Variants in KIAA1328 observed in about 807,000 individuals in gnomAD.
KIAA1328 encodes the protein KIAA1328.
In KIAA1328, 52 loss-of-function variants were observed where a neutral mutation model predicts 68.1. The ratio of observed to expected loss-of-function variants is 0.76; its 90% CI spans 0.61 to 0.96. KIAA1328 has a LOEUF of 0.96. Among genes scored for constraint, KIAA1328 ranks in the 40% least tolerant of loss-of-function variants. The pLI is 0.00. For missense variants in KIAA1328, 641 were observed against 677.6 expected, an observed-to-expected ratio of 0.95 and a Z score of 0.60; for synonymous variants, 232 against 239.4, an observed-to-expected ratio of 0.97 and a Z score of 0.28.
chr18:36,927,942 C>T (rs1322395450), intron 5 of KIAA1328, among the ~76,000 whole-genome samples: 2 of 151,666 alleles, frequency 1.3e-5, no homozygotes, highest in Non-Finnish European at 2.9e-5. Context: ...ATGGGAGTGC[C>T]CTCGTAAGAA....
intron 6 of KIAA1328, among the ~76,000 whole-genome samples, chr18:37,041,072 T>C (rs1026520135): frequency 2.5e-4 from 38 of 152,082 alleles, no homozygotes; most frequent in African/African-American, 8.2e-4. Context: ...GTCAAGTTGA[T>C]TAGTAGTATT....
intron 6 of KIAA1328, among the ~76,000 whole-genome samples, chr18:36,980,264 G>A (rs910154422): frequency 1.3e-5 from 2 of 152,152 alleles, no homozygotes; most frequent in Admixed American, 1.3e-4. Flanking sequence ...TGGCCAATGA[G>A]TCCCTCCTTA....
At chr18:36,949,747 C>T (rs7233017) in intron 5 of KIAA1328, among the ~76,000 whole-genome samples, 20,704 of 152,104 alleles carry the variant, frequency 0.14, 1,757 homozygotes, top group Admixed American at 0.18. Context: ...GAATGAATTA[C>T]AGTCTAGAAG....
chr18:37,067,408 T>C lies in KIAA1328; in HGVS notation c.1095T>C (p.Asp365=), dbSNP rs189282803. The change falls in exon 7 of 10, where the codon GAT becomes GAC. Residue 365 remains aspartate (D), a synonymous_variant. Transcript: ENST00000280020. The part of the protein sequence containing the change: ...IETLKKQISE[D]RKQQLMLQKM... ...CTTTGAAAAAGCAGATCTCAGAAGA[T>C]AGAAAGCAGCAACTGATGCTTCAGA... The C allele has an allele frequency of 1.1e-5, 18 of 1,611,174 alleles. No homozygotes were observed. In the East Asian group the frequency reaches 3.3e-4, roughly 30 times the overall value.
intron 7 of KIAA1328, among the ~76,000 whole-genome samples, chr18:37,070,244 T>G (rs1186428553): frequency 6.6e-6 from 1 of 152,214 alleles, no homozygotes; most frequent in African/African-American, 2.4e-5. Context: ...TAGGGCATGC[T>G]CTATCTTGAT....
chr18:37,187,839 G>A (rs1273209830), intron 9 of KIAA1328, among the ~76,000 whole-genome samples: 1 of 152,050 alleles, frequency 6.6e-6, no homozygotes, highest in African/African-American at 2.4e-5. Context: ...CCAATGTCCT[G>A]GAAGATGTCT....
chr18:37,201,893 T>G (rs1045768135), intron 9 of KIAA1328, among the ~76,000 whole-genome samples: 1 of 152,210 alleles, frequency 6.6e-6, no homozygotes, highest in African/African-American at 2.4e-5. Context: ...TGGACCAGTC[T>G]TTTACCAAGT....
chr18:36,866,174 C>T (rs1556802616), intron 4 of KIAA1328, among the ~76,000 whole-genome samples: 1 of 152,160 alleles, frequency 6.6e-6, no homozygotes, highest in Non-Finnish European at 1.5e-5. Flanking sequence ...GCTCAGTCAC[C>T]CCAGTCCTCC....
At chr18:37,005,284 A>C (rs2151469132) in intron 6 of KIAA1328, among the ~76,000 whole-genome samples, 1 of 152,242 alleles carries the variant, frequency 6.6e-6, no homozygotes, top group South Asian at 2.1e-4. Flanking sequence ...AGAGGTGGGC[A>C]AAGGACATGA....
chr18:37,180,841 A>G (rs2059685561), intron 9 of KIAA1328, among the ~76,000 whole-genome samples: 1 of 152,164 alleles, frequency 6.6e-6, no homozygotes, highest in Admixed American at 6.5e-5. Flanking sequence ...CTGCGTGTAT[A>G]TAATAGAGCA....
In KIAA1328 at chr18:37,224,735, G is replaced by A. The variant is rs759254228; in HGVS notation, c.*2508G>A. On this transcript the variant is annotated 3_prime_UTR_variant, in exon 10 of 10. Transcript: ENST00000280020. ...CAAGTCTCCCACCCTTGACTGGTTG[G>A]GATTTGCTCGTCCAGCCTCTAGACA... The A allele has an allele frequency of 3.8e-5, 37 of 985,252 alleles. No individual in the cohort carries two copies. The highest frequency in any genetic ancestry group is 4.3e-5 in the Non-Finnish European group (36 of 829,946). 61.0% of individuals were successfully genotyped at this position (985,252 alleles called of 1,614,324 possible).
intron 5 of KIAA1328, among the ~76,000 whole-genome samples, chr18:36,910,520 T>C (rs2049400159): frequency 6.6e-6 from 1 of 152,234 alleles, no homozygotes; most frequent in Non-Finnish European, 1.5e-5. Flanking sequence ...TTTGGGTTAC[T>C]GTGGCCTTAT....
intron 4 of KIAA1328, among the ~76,000 whole-genome samples, chr18:36,852,607 A>G (rs1024194255): frequency 3.9e-5 from 6 of 152,178 alleles, no homozygotes; most frequent in Admixed American, 3.3e-4. Flanking sequence ...AATAAATACG[A>G]AGGGCTGTGG....
chr18:37,155,886 C>T (rs2059140470), intron 7 of KIAA1328, among the ~76,000 whole-genome samples: 1 of 152,172 alleles, frequency 6.6e-6, no homozygotes, highest in Non-Finnish European at 1.5e-5. Context: ...GGTATATTTG[C>T]TAATACTTTT....
intron 6 of KIAA1328, among the ~76,000 whole-genome samples, chr18:36,984,834 A>C: frequency 7.0e-6 from 1 of 143,694 alleles, no homozygotes; most frequent in African/African-American, 2.6e-5. Context: ...TGAACCCAGG[A>C]GGCGGAGCTT....
intron 6 of KIAA1328, among the ~76,000 whole-genome samples, chr18:36,977,433 T>G (rs2052513409): frequency 6.6e-6 from 1 of 152,176 alleles, no homozygotes; most frequent in South Asian, 2.1e-4. Flanking sequence ...CTTAAGCATT[T>G]TGCTCTGCTT....
intron 6 of KIAA1328, among the ~76,000 whole-genome samples, chr18:36,974,171 T>C (rs1288232597): frequency 6.6e-6 from 1 of 152,194 alleles, no homozygotes; most frequent in African/African-American, 2.4e-5. Flanking sequence ...TTTTTCTTTT[T>C]TGATTTGTAT....
At chr18:36,974,973 T>C (rs2052401567) in intron 6 of KIAA1328, among the ~76,000 whole-genome samples, 1 of 152,190 alleles carries the variant, frequency 6.6e-6, no homozygotes, top group African/African-American at 2.4e-5. Flanking sequence ...GAACCAGTTC[T>C]ATCGGTCATG....
At chr18:37,229,252 A>T (rs148358149), downstream of KIAA1328, among the ~76,000 whole-genome samples, 151 of 152,250 alleles carry the variant, frequency 9.9e-4, 1 homozygote, top group Middle Eastern at 3.4e-3. Flanking sequence ...GAAGCACTTA[A>T]CTGTGTGCCA....
Sources: allele counts gnomAD v4.1 joint callset (sites outside exome capture counted in the v4.1 genomes callset), GRCh38; gene constraint gnomAD v4.1.1; transcripts MANE v1.5; gene names NCBI Gene and HGNC (gene_info 2026-07-23, HGNC 2026-07-21).